The following MTR variants were observed in gnomAD, a reference collection of about 807,000 sequenced individuals.
MTR encodes methionine synthase.
MTR carries 84 observed loss-of-function variants against 154.8 expected under a neutral mutation model. The ratio of observed to expected loss-of-function variants is 0.54; its 90% CI spans 0.45 to 0.65. The LOEUF (loss-of-function observed/expected upper bound fraction) is 0.65. Among genes scored for constraint, MTR ranks in the 30% least tolerant of loss-of-function variants. MTR has a pLI of 0.00. For missense variants in MTR, 1,275 were observed against 1,570.2 expected (o/e 0.81, Z 3.18); for synonymous variants, 554 against 553.9 (o/e 1.00, Z 0.00).
intron 29 of MTR, among the ~76,000 whole-genome samples, chr1:236,893,443 C>T (rs1192000387): frequency 3.9e-5 from 6 of 152,126 alleles, no homozygotes; most frequent in African/African-American, 1.2e-4. Flanking sequence ...CCCCCTGGCC[C>T]CTCCCACTGT....
Position 236,803,491 on chromosome 1 carries a change from TG to T in MTR, c.100del (p.Asp34MetfsTer7), listed in dbSNP as rs1660804497. On this transcript the variant is annotated frameshift_variant, in exon 2 of 33. Transcript: ENST00000366577. LOFTEE classifies it high-confidence loss of function. ...ATTCTGCAGAAGAGGATTATGGTGC[TG>T]GATGGAGGGATGGGGACCATGATCC... ...NAILQKRIMVLDGGMGTMIQR... is the reference protein window; with the variant it reads ...NAILQKRIMVXDGGMGTMIQR... The T allele has an allele frequency of 6.2e-7, 1 of 1,614,060 alleles. No individual in the cohort carries two copies. Among genetic ancestry groups the T allele is most frequent in the South Asian group, 1.1e-5 (1 of 91,080 alleles).
chr1:236,859,951 C>T, intron 19 of MTR, 29 bp downstream of exon 19: 1 of 1,588,376 alleles, frequency 6.3e-7, no homozygotes, highest in African/African-American at 1.3e-5. Context: ...AACTGGAGGG[C>T]TGGAGGCTCA....
chr1:236,879,673 T>C (rs1665619910), intron 24 of MTR, among the ~76,000 whole-genome samples: 1 of 152,246 alleles, frequency 6.6e-6, no homozygotes. Context: ...TAATTCATTA[T>C]GTTCTATCAT....
Position 236,895,483 on chromosome 1 carries a change from C to T in MTR, c.3531C>T (p.Tyr1177=). ...RYKGIRPAPG[Y]PSQPDHTEKL... Reference sequence around the variant, plus strand: ...AGGGCATCCGCCCGGCTCCTGGCTACCCCAGCCAGCCCGACCACACCGAGA... The same window carrying T: ...AGGGCATCCGCCCGGCTCCTGGCTATCCCAGCCAGCCCGACCACACCGAGA... Residue 1177 remains tyrosine (Y), a synonymous_variant, in exon 31 of 33, where the codon TAC becomes TAT. Transcript: ENST00000366577. 2 of 1,595,190 alleles carry T rather than the reference C, an allele frequency of 1.3e-6. No individual in the cohort carries two copies. The highest frequency in any genetic ancestry group is 1.1e-5 in the South Asian group (1 of 87,762).
At chr1:236,806,303 G>C in intron 3 of MTR, 70 bp downstream of exon 3, 1 of 1,223,552 alleles carries the variant, frequency 8.2e-7, no homozygotes, top group Non-Finnish European at 1.2e-6. Flanking sequence ...TTGCTAGTGA[G>C]TAAAGCACTG....
At position 236,861,274 on chromosome 1, in the gene MTR, T is replaced by C. The variant is rs750259804; in HGVS notation, c.2193T>C (p.Pro731=). Residue 731 remains proline (P), a synonymous_variant, in exon 20 of 33, where the codon CCT becomes CCC. Transcript: ENST00000366577. ...TTGGAGCTGGAAAAATGTTTCTACC[T>C]CAGGTTAGCAAAATATGGGGAGAAA... is the stretch of plus-strand genomic sequence containing the variant. ...DLFGAGKMFL[P]QVIKSARVMK... The C allele has an allele frequency of 6.2e-7, 1 of 1,613,886 alleles. No individual in the cohort carries two copies. The highest frequency in any genetic ancestry group is 1.3e-5 in the African/African-American group (1 of 75,004).
intron 6 of MTR, 57 bp downstream of exon 6, chr1:236,812,901 C>T: frequency 1.6e-6 from 2 of 1,271,774 alleles, no homozygotes; most frequent in Admixed American, 1.7e-5. Flanking sequence ...GGTGAGTCCC[C>T]TAATGTAGGG....
intron 13 of MTR, 59 bp from the exon 14 acceptor site, chr1:236,835,488 T>C (rs970886685): frequency 1.9e-6 from 3 of 1,601,374 alleles, no homozygotes; most frequent in Non-Finnish European, 2.6e-6. Context: ...ATTACCTCAT[T>C]AGCCTTTTCT....
At position 236,835,590 on chromosome 1, in the gene MTR, A is replaced by C. The variant is rs886046219; in HGVS notation, c.1232A>C (p.Gln411Pro). 1 of 1,611,350 alleles carries C rather than the reference A, an allele frequency of 6.2e-7. No homozygotes were observed. ...AAAGTGCAGGTGGAAATGGGAGCCC[A>C]GGTGTTGGATGTCAACATGGATGAT... ...VAKVQVEMGA[Q>P]VLDVNMDDGM... The change falls in exon 14 of 33, where the codon CAG becomes CCG. Residue 411 changes from glutamine to proline, a missense_variant. Coordinates refer to ENST00000366577, the MANE Select transcript of MTR (RefSeq NM_000254.3).
Position 236,838,522 on chromosome 1 carries a change from G to A in MTR, c.1438G>A (p.Asp480Asn), listed in dbSNP as rs1310485201. The A allele has an allele frequency of 5.6e-6, 9 of 1,613,960 alleles. No individual in the cohort carries two copies. Among genetic ancestry groups the A allele is most frequent in the African/African-American group, 2.7e-5 (2 of 74,908 alleles). ...NSISLKEGED[D>N]FLEKARKIKK... The stretch of plus-strand genomic sequence containing the variant: ...CATTAGTCTGAAGGAAGGAGAGGAC[G>A]ACTTCTTGGAGAAGGCCAGGAAGAT... Residue 480 changes from aspartate to asparagine, a missense_variant, in exon 15 of 33, where the codon GAC becomes AAC. Physicochemically the swap from Asp to Asn is conservative, Grantham distance 23 (BLOSUM62 1). Coordinates refer to ENST00000366577, the MANE Select transcript of MTR (RefSeq NM_000254.3).
At chr1:236,868,082 A>G (rs1664917484) in intron 22 of MTR, among the ~76,000 whole-genome samples, 1 of 152,216 alleles carries the variant, frequency 6.6e-6, no homozygotes, top group Admixed American at 6.5e-5. Context: ...CACATGCTGC[A>G]GAGAAATCTT....
rs1558351303 is a variant in MTR, at chr1:236,897,687, A to G, written c.*43A>G. ...CCTTTTTTATTCTTGATGATCCTCAAGGAAATACAACCTAGGGTGCCTTAA... is the reference window on the plus strand; with the variant it reads ...CCTTTTTTATTCTTGATGATCCTCAGGGAAATACAACCTAGGGTGCCTTAA... On this transcript the variant is annotated 3_prime_UTR_variant, in exon 33 of 33. Transcript: ENST00000366577. 2.6e-6 allele frequency: 4 copies of G among 1,521,008 alleles called. No homozygotes were observed. In the East Asian group the frequency reaches 9.0e-5, roughly 34 times the overall value. 94.2% of individuals were successfully genotyped at this position (1,521,008 alleles called of 1,614,324 possible). A position where few individuals can be genotyped will look rare whatever the true frequency, so the allele number is the denominator to read the frequency against.
intron 20 of MTR, 57 bp from the exon 21 acceptor site, chr1:236,862,179 A>G (rs1302194724): frequency 7.0e-7 from 1 of 1,422,142 alleles, no homozygotes; most frequent in East Asian, 2.3e-5. Context: ...ACAAGTGGCC[A>G]TCAGCAGTTG....
chr1:236,800,614 C>T (rs1660651683), intron 1 of MTR: 2 of 434,182 alleles, frequency 4.6e-6, no homozygotes, highest in Admixed American at 1.3e-4. Context: ...ATTCCTGCCC[C>T]AACATGACCA....
chr1:236,809,095 A>G (rs1237267827), intron 4 of MTR, among the ~76,000 whole-genome samples: 1 of 152,228 alleles, frequency 6.6e-6, no homozygotes, highest in Non-Finnish European at 1.5e-5. Context: ...GAAGCACATC[A>G]TCATGTCATT....
intron 7 of MTR, 26 bp downstream of exon 7, chr1:236,815,689 A>G: frequency 6.9e-7 from 1 of 1,445,690 alleles, no homozygotes; most frequent in African/African-American, 2.7e-5. Context: ...TTTGCACAAT[A>G]CATTCTTTTA....
intron 29 of MTR, among the ~76,000 whole-genome samples, chr1:236,892,550 A>G (rs952526124): frequency 2.0e-5 from 3 of 152,126 alleles, no homozygotes; most frequent in Non-Finnish European, 4.4e-5. Context: ...AATCATCCAT[A>G]TTTTTACCAT....
intron 32 of MTR, among the ~76,000 whole-genome samples, 190 bp downstream of exon 32, chr1:236,897,308 A>ATGCGCGCGCGCG (rs57608445): frequency 1.9e-4 from 25 of 131,526 alleles, no homozygotes; most frequent in East Asian, 4.5e-4. Context: ...AGCCACACAC[A>ATGCGCGCGCGCG]CGCACACACA....
At chr1:236,804,656 A>G (rs1660877065) in intron 2 of MTR, among the ~76,000 whole-genome samples, 1 of 152,074 alleles carries the variant, frequency 6.6e-6, no homozygotes, top group Non-Finnish European at 1.5e-5. Flanking sequence ...TGTTCTTTTA[A>G]AAAAAACTTA....
Sources: gnomAD v4.1 joint callset for allele counts (sites outside exome capture counted in the v4.1 genomes callset) on GRCh38, gnomAD v4.1.1 for gene constraint, MANE v1.5 for transcripts, NCBI Gene and HGNC (gene_info 2026-07-23, HGNC 2026-07-21) for gene names.